Variants in AFG2A observed in about 807,000 individuals in gnomAD.
The protein encoded by AFG2A is ATPase family gene 2 protein homolog A.
At chr4:123,138,197 A>G in the AFG2A span, among the ~76,000 whole-genome samples, 1 of 152,032 alleles carries the variant, frequency 6.6e-6, no homozygotes, top group Non-Finnish European at 1.5e-5. Context: ...TCAGTATGAG[A>G]TTGTTGATAT....
chr4:123,258,756 C>T, the AFG2A span, among the ~76,000 whole-genome samples: 1 of 150,882 alleles, frequency 6.6e-6, no homozygotes, highest in African/African-American at 2.4e-5. Context: ...TTTCCTGGCA[C>T]TCTAATTGTT....
chr4:122,954,762 A>C, the AFG2A span, among the ~76,000 whole-genome samples: 1 of 152,236 alleles, frequency 6.6e-6, no homozygotes, highest in South Asian at 2.1e-4. Context: ...TGCTGGGAGC[A>C]CAGTCAAGAA....
the AFG2A span, among the ~76,000 whole-genome samples, chr4:123,037,396 G>A: frequency 0.83 from 126,556 of 152,006 alleles, 53,855 homozygotes; most frequent in East Asian, 0.97. Flanking sequence ...AATGTTAAAA[G>A]TAATGCTATT....
the AFG2A span, among the ~76,000 whole-genome samples, chr4:123,160,753 G>A: frequency 6.6e-5 from 10 of 151,842 alleles, no homozygotes; most frequent in South Asian, 6.3e-4. Context: ...TATCTGCAGC[G>A]GATACATTCC....
At chr4:123,222,564 T>TA in the AFG2A span, among the ~76,000 whole-genome samples, 1 of 152,328 alleles carries the variant, frequency 6.6e-6, no homozygotes, top group Admixed American at 6.5e-5. Flanking sequence ...GGTCTACCTT[T>TA]AAAAATTTTT....
At chr4:123,115,046 A>G in the AFG2A span, among the ~76,000 whole-genome samples, 5 of 152,280 alleles carry the variant, frequency 3.3e-5, no homozygotes, top group East Asian at 9.7e-4. Flanking sequence ...GGGACACAGG[A>G]GACTGTTGCC....
At chr4:122,993,313 A>G in the AFG2A span, among the ~76,000 whole-genome samples, 1 of 152,094 alleles carries the variant, frequency 6.6e-6, no homozygotes, top group African/African-American at 2.4e-5. Context: ...ATTTTAATGT[A>G]GTTAATCTTA....
chr4:123,313,175 C>T, the AFG2A span, among the ~76,000 whole-genome samples: 2 of 152,184 alleles, frequency 1.3e-5, no homozygotes, highest in Non-Finnish European at 2.9e-5. Flanking sequence ...CCTCCCCTTC[C>T]GTTTTCCTAC....
the AFG2A span, among the ~76,000 whole-genome samples, chr4:123,180,818 T>G: frequency 5.3e-5 from 8 of 152,006 alleles, no homozygotes; most frequent in South Asian, 1.7e-3. Flanking sequence ...TTTTTATTTT[T>G]AGGTCTCATT....
chr4:122,961,980 T>C, the AFG2A span, among the ~76,000 whole-genome samples: 2 of 152,224 alleles, frequency 1.3e-5, no homozygotes, highest in Non-Finnish European at 2.9e-5. Context: ...AAGACAGTTT[T>C]TCCATGGACC....
chr4:122,955,324 G>A, the AFG2A span, among the ~76,000 whole-genome samples: 2 of 152,204 alleles, frequency 1.3e-5, no homozygotes, highest in East Asian at 1.9e-4. Flanking sequence ...CACTCCCACC[G>A]TAATGGCATT....
the AFG2A span, among the ~76,000 whole-genome samples, chr4:122,958,396 A>G: frequency 6.6e-6 from 1 of 152,210 alleles, no homozygotes; most frequent in Admixed American, 6.5e-5. Context: ...TGGGTAGTTA[A>G]GGCATCTTGA....
the AFG2A span, among the ~76,000 whole-genome samples, chr4:123,161,842 G>A: frequency 6.6e-6 from 1 of 152,138 alleles, no homozygotes; most frequent in Non-Finnish European, 1.5e-5. Flanking sequence ...ATATATATGA[G>A]TGATATTGTA....
At chr4:122,979,259 A>G in the AFG2A span, 2 of 1,614,020 alleles carry the variant, frequency 1.2e-6, no homozygotes, top group Non-Finnish European at 1.7e-6. Flanking sequence ...AGAATCCTGA[A>G]AAAACAGCCT....
the AFG2A span, among the ~76,000 whole-genome samples, chr4:123,252,328 T>TAAAAC: frequency 1.3e-5 from 2 of 152,138 alleles, no homozygotes; most frequent in African/African-American, 4.8e-5. Context: ...TGAAGTACAT[T>TAAAAC]AAAACAAAAC....
the AFG2A span, among the ~76,000 whole-genome samples, chr4:123,175,785 C>T: frequency 6.6e-6 from 1 of 152,148 alleles, no homozygotes; most frequent in East Asian, 1.9e-4. Flanking sequence ...GCAACGGATG[C>T]ATCCTGTGGA....
the AFG2A span, among the ~76,000 whole-genome samples, chr4:123,115,543 C>T: frequency 6.6e-6 from 1 of 152,138 alleles, no homozygotes; most frequent in Non-Finnish European, 1.5e-5. Flanking sequence ...CCCCTGGGTC[C>T]AACTCTGCCT....
chr4:123,199,760 A>G, the AFG2A span, among the ~76,000 whole-genome samples: 1 of 151,998 alleles, frequency 6.6e-6, no homozygotes, highest in Non-Finnish European at 1.5e-5. Flanking sequence ...ATGAGCCACC[A>G]CACCCGGCCG....
chr4:123,242,063 C>T, the AFG2A span, among the ~76,000 whole-genome samples: 152 of 152,236 alleles, frequency 1.0e-3, no homozygotes, highest in Non-Finnish European at 1.9e-3. Flanking sequence ...AGGAATCCAA[C>T]TTACAAGGGA....
Sources: allele counts gnomAD v4.1 joint callset (sites outside exome capture counted in the v4.1 genomes callset), GRCh38; gene constraint gnomAD v4.1.1; transcripts MANE v1.5; gene names NCBI Gene and HGNC (gene_info 2026-07-23, HGNC 2026-07-21).